FAF1: variants seen among roughly 807,000 people sequenced by gnomAD.
FAF1 encodes FAS-associated factor 1.
Under a neutral mutation model 92.5 loss-of-function variants are expected in FAF1, and 25 were observed. That is an observed-to-expected ratio of 0.27 (90% CI 0.20 to 0.38). The LOEUF (loss-of-function observed/expected upper bound fraction) is 0.38, where lower values mean the gene tolerates loss of function less well. Ranked by LOEUF, FAF1 falls within the 10% of genes least tolerant of loss-of-function variation. The pLI is 1.00. For missense variants in FAF1, 636 were observed against 793.3 expected (o/e 0.80, Z 2.38); for synonymous variants, 234 against 273.2 (o/e 0.86, Z 1.42).
chr1:50,545,954 G>A (rs1648995359), intron 13 of FAF1, among the ~76,000 whole-genome samples: 1 of 152,236 alleles, frequency 6.6e-6, no homozygotes, highest in Non-Finnish European at 1.5e-5. Context: ...AATTGCTTAA[G>A]CCCAGGAGTT....
At chr1:50,927,533 C>A (rs142208166) in intron 1 of FAF1, among the ~76,000 whole-genome samples, 4 of 151,958 alleles carry the variant, frequency 2.6e-5, no homozygotes, top group African/African-American at 9.7e-5. Flanking sequence ...AGAGTGAGAC[C>A]CTGTCTCCAA....
chr1:50,580,840 T>G (rs1468617575), intron 12 of FAF1, among the ~76,000 whole-genome samples: 1 of 152,166 alleles, frequency 6.6e-6, no homozygotes, highest in Non-Finnish European at 1.5e-5. Flanking sequence ...GGCATGATCT[T>G]GGCTCACTGC....
At chr1:50,662,210 C>T (rs1445097366) in intron 7 of FAF1, among the ~76,000 whole-genome samples, 1 of 152,156 alleles carries the variant, frequency 6.6e-6, no homozygotes, top group Admixed American at 6.5e-5. Flanking sequence ...ACTATCTTTC[C>T]AGAAAACAAT....
chr1:50,884,016 T>G (rs1471142046), intron 1 of FAF1, among the ~76,000 whole-genome samples: 1 of 151,838 alleles, frequency 6.6e-6, no homozygotes, highest in Non-Finnish European at 1.5e-5. Context: ...TCCCAGCTAC[T>G]CGGGAGGCTG....
chr1:50,792,234 AATT>A (rs2124579533), intron 3 of FAF1, among the ~76,000 whole-genome samples: 1 of 152,306 alleles, frequency 6.6e-6, no homozygotes, highest in Non-Finnish European at 1.5e-5. Flanking sequence ...ATAGCTACAA[AATT>A]TTAAAAATAG....
intron 2 of FAF1, among the ~76,000 whole-genome samples, chr1:50,810,763 G>A (rs115895785): frequency 1.6e-3 from 238 of 152,150 alleles, no homozygotes; most frequent in African/African-American, 5.4e-3. Context: ...TACAAAAATG[G>A]TCAGGCCAGG....
At chr1:50,772,602 G>A (rs534989177) in intron 4 of FAF1, among the ~76,000 whole-genome samples, 36 of 152,300 alleles carry the variant, frequency 2.4e-4, no homozygotes, top group African/African-American at 8.7e-4. Flanking sequence ...CACAGGAACA[G>A]AAAACCAAAT....
intron 3 of FAF1, among the ~76,000 whole-genome samples, chr1:50,788,858 GTC>G (rs1223409964): frequency 3.3e-5 from 5 of 151,994 alleles, no homozygotes; most frequent in Non-Finnish European, 4.4e-5. Context: ...TTGAGATGGG[GTC>G]TCTCTCTGTT....
At chr1:50,795,174 C>T (rs1331157227) in intron 3 of FAF1, among the ~76,000 whole-genome samples, 11 of 152,112 alleles carry the variant, frequency 7.2e-5, no homozygotes, top group Admixed American at 7.2e-4. Context: ...CTATGGAGTG[C>T]CTAAACTGCA....
Position 50,439,156 on chromosome 1 carries a change from G to A in FAF1, c.*2284C>T, listed in dbSNP as rs1391141319. 1 of 152,274 alleles carries A rather than the reference G, an allele frequency of 6.6e-6. No individual in the cohort carries two copies. The highest frequency in any genetic ancestry group is 2.4e-5 in the African/African-American group (1 of 41,458). 9.4% of individuals were successfully genotyped at this position (152,274 alleles called of 1,614,324 possible). A position where few individuals can be genotyped will look rare whatever the true frequency, so the allele number is the denominator to read the frequency against. ...ACTCACTTACTGGGCCTGGAGGCTG[G>A]GATGTAAAGCCCAAGGAAGCCTAAT... On this transcript the variant is annotated 3_prime_UTR_variant, in exon 19 of 19. Transcript: ENST00000396153.
At chr1:50,535,075 T>G (rs1648402110) in intron 15 of FAF1, among the ~76,000 whole-genome samples, 1 of 152,172 alleles carries the variant, frequency 6.6e-6, no homozygotes, top group African/African-American at 2.4e-5. Context: ...GGACTACAGT[T>G]TCTTCTATAA....
chr1:50,691,482 T>C (rs1007801355), intron 7 of FAF1, among the ~76,000 whole-genome samples: 5 of 152,208 alleles, frequency 3.3e-5, no homozygotes, highest in African/African-American at 9.6e-5. Context: ...CCTCAAGTAA[T>C]CCGCTGGCCT....
chr1:50,956,440 A>T (rs1299447240), intron 1 of FAF1, among the ~76,000 whole-genome samples: 1 of 152,226 alleles, frequency 6.6e-6, no homozygotes, highest in Non-Finnish European at 1.5e-5. Context: ...TCAAAATGTG[A>T]TTTATTTTCA....
chr1:50,757,501 G>A (rs1660122416), intron 4 of FAF1, among the ~76,000 whole-genome samples: 1 of 152,136 alleles, frequency 6.6e-6, no homozygotes, highest in African/African-American at 2.4e-5. Context: ...ATTATGAAAT[G>A]TCCCCATCTG....
intron 18 of FAF1, among the ~76,000 whole-genome samples, chr1:50,474,994 C>A (rs570063209): frequency 6.6e-6 from 1 of 152,218 alleles, no homozygotes; most frequent in African/African-American, 2.4e-5. Context: ...ACAGTGAATA[C>A]AGGTCACCCT....
rs1572780615 is a variant in FAF1 at position 50,490,592 on chromosome 1, C to T, written c.1649G>A (p.Arg550His). The change falls in exon 17 of 19, where the codon CGT becomes CAT. Residue 550 changes from arginine to histidine, a missense_variant. Physicochemically the swap from Arg to His is conservative, Grantham distance 29 (BLOSUM62 0). Around this residue, in one of 2 missense-constraint regions of FAF1, gnomAD observed 319 missense variants for 451.0 expected, o/e 0.71. Transcript: ENST00000396153. The stretch of plus-strand genomic sequence containing the variant: ...TTTCTTAAAATTATGCCCCACCTCA[C>T]GTTCCTCTTCTTGTTCTTTGCGAAT... The part of the protein sequence containing the change: ...EQIRKEQEEE[R>H]EAIRLSLEQA... 3.1e-6 allele frequency: 5 copies of T among 1,606,378 alleles called. No homozygotes were observed. The highest frequency in any genetic ancestry group is 3.4e-6 in the Non-Finnish European group (4 of 1,172,950).
chr1:50,672,809 T>C (rs1655956393), intron 7 of FAF1, among the ~76,000 whole-genome samples: 1 of 152,208 alleles, frequency 6.6e-6, no homozygotes, highest in South Asian at 2.1e-4. Context: ...TTTATTGTTT[T>C]TAATAATGTT....
chr1:50,601,177 T>A (rs762115503), intron 8 of FAF1, among the ~76,000 whole-genome samples: 1 of 152,200 alleles, frequency 6.6e-6, no homozygotes, highest in East Asian at 1.9e-4. Context: ...ACAAAGCATA[T>A]AGTATTTTCT....
intron 1 of FAF1, among the ~76,000 whole-genome samples, chr1:50,880,388 C>G (rs762373352): frequency 4.0e-4 from 61 of 152,296 alleles, no homozygotes; most frequent in Middle Eastern, 3.4e-3. Flanking sequence ...GTTTATGCCC[C>G]TCCTCAATTC....
Sources: gnomAD v4.1 joint callset for allele counts (sites outside exome capture counted in the v4.1 genomes callset) on GRCh38, gnomAD v4.1.1 for gene constraint, gnomAD v4.1.1 regional missense constraint, MANE v1.5 for transcripts, NCBI Gene and HGNC (gene_info 2026-07-23, HGNC 2026-07-21) for gene names.